The following PLEKHA5 variants were observed in gnomAD, a reference collection of about 807,000 sequenced individuals.
PLEKHA5 encodes pleckstrin homology domain containing A5.
PLEKHA5 carries 55 observed loss-of-function variants against 181.9 expected under a neutral mutation model. The ratio of observed to expected loss-of-function variants is 0.30; its 90% CI spans 0.24 to 0.38. The LOEUF (loss-of-function observed/expected upper bound fraction) is 0.38. Ranked by LOEUF, PLEKHA5 falls within the 10% of genes least tolerant of loss-of-function variation. The pLI is 1.00. For synonymous variants in PLEKHA5, 535 were observed against 529.4 expected (o/e 1.01, Z -0.15); for missense variants, 1,432 against 1,549.5 (o/e 0.92, Z 1.27).
intron 6 of PLEKHA5, among the ~76,000 whole-genome samples, chr12:19,260,345 G>C (rs1315533736): frequency 1.3e-5 from 2 of 152,146 alleles, no homozygotes; most frequent in African/African-American, 4.8e-5. Context: ...TCTCATCCTA[G>C]CAGATGTTTG....
chr12:19,277,345 A>G (rs1021883596), intron 11 of PLEKHA5, among the ~76,000 whole-genome samples: 4 of 152,200 alleles, frequency 2.6e-5, no homozygotes, highest in African/African-American at 9.6e-5. Context: ...GTCAACAGAT[A>G]TCTGGAAATT....
chr12:19,283,336 T>C lies in PLEKHA5; in HGVS notation c.1370T>C (p.Met457Thr). ...RNMPSHRAQI[M>T]ARYPEGYRTL... Reference sequence around the variant, plus strand: ...ATGCCAAGTCACAGAGCCCAGATTATGGCCCGCTACCCTGAAGGTTATAGA... The same window carrying C: ...ATGCCAAGTCACAGAGCCCAGATTACGGCCCGCTACCCTGAAGGTTATAGA... The change falls in exon 12 of 32, where the codon ATG (methionine) becomes ACG (threonine). Residue 457 changes from methionine (M) to threonine (T), a missense_variant. Physicochemically the swap from Met to Thr is moderately conservative, Grantham distance 81. Coordinates refer to ENST00000429027, the MANE Select transcript of PLEKHA5 (RefSeq NM_001256470.2). 9.3e-6 allele frequency: 15 copies of C among 1,613,910 alleles called. No individual in the cohort carries two copies. The highest frequency in any genetic ancestry group is 1.3e-5 in the Non-Finnish European group (15 of 1,179,990).
At chr12:19,135,883 T>G (rs1004734258) in intron 3 of PLEKHA5, among the ~76,000 whole-genome samples, 1 of 147,962 alleles carries the variant, frequency 6.8e-6, no homozygotes, top group East Asian at 2.0e-4. Flanking sequence ...CTTACTTTGT[T>G]TTTTTTTTTT....
At chr12:19,263,928 C>T (rs563452041) in intron 7 of PLEKHA5, among the ~76,000 whole-genome samples, 2 of 152,260 alleles carry the variant, frequency 1.3e-5, no homozygotes, top group Non-Finnish European at 2.9e-5. Flanking sequence ...CTTTGTCAGT[C>T]TATGAGTCTC....
At chr12:19,303,164 C>G (rs917987427) in intron 15 of PLEKHA5, among the ~76,000 whole-genome samples, 1 of 151,818 alleles carries the variant, frequency 6.6e-6, no homozygotes, top group South Asian at 2.1e-4. Flanking sequence ...TCAGGTGATC[C>G]ACCCACCTCA....
intron 3 of PLEKHA5, among the ~76,000 whole-genome samples, chr12:19,246,164 G>A (rs1169584357): frequency 6.6e-6 from 1 of 151,362 alleles, no homozygotes; most frequent in African/African-American, 2.4e-5. Context: ...ATTTTTAGTA[G>A]AGACGGGGTT....
intron 16 of PLEKHA5, 85 bp from the exon 17 acceptor site, chr12:19,319,934 TTA>T: frequency 2.4e-6 from 2 of 843,426 alleles, no homozygotes; most frequent in Non-Finnish European, 3.6e-6. Flanking sequence ...TATCCATAGT[TTA>T]TAACATAGGC....
At chr12:19,166,715 A>G (rs554563054) in intron 3 of PLEKHA5, among the ~76,000 whole-genome samples, 1 of 152,292 alleles carries the variant, frequency 6.6e-6, no homozygotes, top group Non-Finnish European at 1.5e-5. Flanking sequence ...GATAAACTGA[A>G]CTTTAAAGAA....
chr12:19,203,425 G>C (rs1264068165), intron 3 of PLEKHA5, among the ~76,000 whole-genome samples: 1 of 151,930 alleles, frequency 6.6e-6, no homozygotes, highest in Non-Finnish European at 1.5e-5. Context: ...TCACTTTCTA[G>C]TATTCGCATT....
At chr12:19,280,874 C>CT (rs929536986) in intron 11 of PLEKHA5, among the ~76,000 whole-genome samples, 2 of 151,882 alleles carry the variant, frequency 1.3e-5, no homozygotes, top group African/African-American at 4.8e-5. Context: ...CCACACCTGG[C>CT]TGATTTTTGT....
chr12:19,198,450 A>G (rs957615465), intron 3 of PLEKHA5, among the ~76,000 whole-genome samples: 4 of 152,168 alleles, frequency 2.6e-5, no homozygotes, highest in Admixed American at 6.6e-5. Context: ...TTTTCCTGAC[A>G]ATCCATTCTC....
intron 3 of PLEKHA5, among the ~76,000 whole-genome samples, chr12:19,208,024 C>T (rs2056002265): frequency 6.6e-6 from 1 of 152,104 alleles, no homozygotes; most frequent in Non-Finnish European, 1.5e-5. Context: ...ATAATTCTCA[C>T]AAGTTTCGAC....
chr12:19,211,577 G>GAACTGCC (rs2056910579), intron 3 of PLEKHA5, among the ~76,000 whole-genome samples: 1 of 151,984 alleles, frequency 6.6e-6, no homozygotes. Flanking sequence ...ACTGATTTTG[G>GAACTGCC]CATGAATTCT....
At chr12:19,215,190 T>C (rs541092586) in intron 3 of PLEKHA5, among the ~76,000 whole-genome samples, 401 of 152,112 alleles carry the variant, frequency 2.6e-3, no homozygotes, top group African/African-American at 9.1e-3. Context: ...AAAAAAAAAT[T>C]GCTCTAAAAT....
chr12:19,227,529 TA>T (rs2059870458), intron 3 of PLEKHA5, among the ~76,000 whole-genome samples: 1 of 152,172 alleles, frequency 6.6e-6, no homozygotes, highest in Non-Finnish European at 1.5e-5. Flanking sequence ...TTTACTGTCC[TA>T]GAATGTGAGT....
intron 3 of PLEKHA5, among the ~76,000 whole-genome samples, chr12:19,187,546 T>G (rs4274241): frequency 0.89 from 135,295 of 152,142 alleles, 60,967 homozygotes; most frequent in Non-Finnish European, 0.97. Flanking sequence ...TACCCCTAGT[T>G]AGTGATGCAA....
chr12:19,309,965 G>T (rs186308534), intron 15 of PLEKHA5, among the ~76,000 whole-genome samples: 1 of 152,074 alleles, frequency 6.6e-6, no homozygotes, highest in Non-Finnish European at 1.5e-5. Flanking sequence ...TATTTTACAA[G>T]ACTTTGATAA....
At chr12:19,369,648 G>C (rs770383001) in intron 30 of PLEKHA5, 45 bp from the exon 31 acceptor site, 8 of 1,201,566 alleles carry the variant, frequency 6.7e-6, no homozygotes, top group African/African-American at 6.1e-5. Flanking sequence ...CTCCAAATGT[G>C]TCTTAAAGAT....
At chr12:19,285,045 T>G (rs976234078) in intron 12 of PLEKHA5, among the ~76,000 whole-genome samples, 2 of 152,244 alleles carry the variant, frequency 1.3e-5, no homozygotes, top group African/African-American at 4.8e-5. Flanking sequence ...TTGCTTGATA[T>G]TTCCATAAAT....
Sources: allele counts gnomAD v4.1 joint callset (sites outside exome capture counted in the v4.1 genomes callset), GRCh38; gene constraint gnomAD v4.1.1; transcripts MANE v1.5; gene names NCBI Gene and HGNC (gene_info 2026-07-23, HGNC 2026-07-21).